DSCAM: variants seen among roughly 807,000 people sequenced by gnomAD.
DSCAM encodes DS cell adhesion molecule, also known as cell adhesion molecule DSCAM.
In DSCAM, 47 loss-of-function variants were observed where a neutral mutation model predicts 217.7. That is an observed-to-expected ratio of 0.22 (90% CI 0.17 to 0.28). The LOEUF is 0.28. Ranked by LOEUF, DSCAM falls within the 10% of genes least tolerant of loss-of-function variation. DSCAM has a pLI of 1.00. For missense variants in DSCAM, 2,080 were observed against 2,618.3 expected (o/e 0.79, Z 4.49); for synonymous variants, 1,056 against 1,015.3 (o/e 1.04, Z -0.76).
intron 11 of DSCAM, among the ~76,000 whole-genome samples, chr21:40,257,178 C>T (rs2073383777): frequency 1.3e-5 from 2 of 152,224 alleles, no homozygotes; most frequent in Admixed American, 1.3e-4. Context: ...ACCCCTCATA[C>T]AGGATACAAA....
intron 3 of DSCAM, among the ~76,000 whole-genome samples, chr21:40,512,540 C>T (rs1601704476): frequency 6.6e-6 from 1 of 152,056 alleles, no homozygotes; most frequent in Non-Finnish European, 1.5e-5. Flanking sequence ...TTCACGTTTG[C>T]GGCATTGTTC....
At chr21:40,731,152 T>C (rs895213704) in intron 1 of DSCAM, among the ~76,000 whole-genome samples, 2 of 152,186 alleles carry the variant, frequency 1.3e-5, no homozygotes, top group Non-Finnish European at 2.9e-5. Context: ...TCTGAAGAAG[T>C]ATTTAGGAAT....
intron 3 of DSCAM, among the ~76,000 whole-genome samples, chr21:40,559,437 GA>G (rs1238772137): frequency 7.3e-6 from 1 of 136,512 alleles, no homozygotes; most frequent in Non-Finnish European, 1.5e-5. Flanking sequence ...TGGCCCGGGC[GA>G]AAAGAGCGAG....
At chr21:40,722,720 T>G (rs1310574292) in intron 1 of DSCAM, among the ~76,000 whole-genome samples, 2 of 152,024 alleles carry the variant, frequency 1.3e-5, no homozygotes, top group Non-Finnish European at 2.9e-5. Flanking sequence ...CTAAACACTC[T>G]TAAAAGTAAA....
At chr21:40,828,155 C>T (rs2091984545) in intron 1 of DSCAM, among the ~76,000 whole-genome samples, 1 of 152,148 alleles carries the variant, frequency 6.6e-6, no homozygotes, top group Non-Finnish European at 1.5e-5. Flanking sequence ...GTATTTGCAG[C>T]ACTTTGGGAG....
At chr21:40,583,362 T>A (rs1209831167) in intron 3 of DSCAM, among the ~76,000 whole-genome samples, 1 of 152,216 alleles carries the variant, frequency 6.6e-6, no homozygotes, top group African/African-American at 2.4e-5. Context: ...CAGAGAGTTG[T>A]ATTTGTGGTA....
At chr21:40,649,032 T>C (rs1601821084) in intron 3 of DSCAM, among the ~76,000 whole-genome samples, 1 of 151,784 alleles carries the variant, frequency 6.6e-6, no homozygotes, top group Non-Finnish European at 1.5e-5. Context: ...GCCATGGAGG[T>C]CTCTTGTTGG....
At chr21:40,108,346 T>C (rs1273070096) in intron 20 of DSCAM, among the ~76,000 whole-genome samples, 1 of 152,182 alleles carries the variant, frequency 6.6e-6, no homozygotes, top group Admixed American at 6.5e-5. Flanking sequence ...CTAGCATTCC[T>C]ATCCTCTAAC....
At chr21:40,163,866 C>T (rs1463136353) in intron 16 of DSCAM, among the ~76,000 whole-genome samples, 1 of 152,194 alleles carries the variant, frequency 6.6e-6, no homozygotes, top group Non-Finnish European at 1.5e-5. Flanking sequence ...CATGTTTGCT[C>T]TCTGGAGATC....
chr21:40,713,180 G>C (rs1018501528), intron 1 of DSCAM, among the ~76,000 whole-genome samples: 1 of 152,164 alleles, frequency 6.6e-6, no homozygotes, highest in East Asian at 1.9e-4. Flanking sequence ...CCACTACTGG[G>C]GTGAGATCTG....
rs2090336248 is a variant in DSCAM, at chr21:40,144,848, G to C, written c.3019-117C>G. The C allele has an allele frequency of 1.4e-6, 2 of 1,435,516 alleles. No individual in the cohort carries two copies. 88.9% of individuals were successfully genotyped at this position (1,435,516 alleles called of 1,614,324 possible). A position where few individuals can be genotyped will look rare whatever the true frequency, so the allele number is the denominator to read the frequency against. On this transcript the variant is annotated intron_variant, in intron 16 of 32. Coordinates refer to ENST00000400454, the MANE Select transcript of DSCAM (RefSeq NM_001389.5). The surrounding 1 kb of genome is among the most constrained non-coding windows in gnomAD (Gnocchi z 4.8). ...AAGTGGAGTCATCGCCACGATGCTG[G>C]GGCGGTGGTCCGGTAGCAGCCGCAA...
At chr21:40,631,669 G>GCACA (rs1429857240) in intron 3 of DSCAM, among the ~76,000 whole-genome samples, 11 of 152,328 alleles carry the variant, frequency 7.2e-5, no homozygotes, top group Non-Finnish European at 1.5e-4. Context: ...TTTAGGTGGT[G>GCACA]TTCCATGTTT....
At chr21:40,836,362 T>C (rs28621866) in intron 1 of DSCAM, among the ~76,000 whole-genome samples, 74,210 of 152,056 alleles carry the variant, frequency 0.49, 18,575 homozygotes, top group Admixed American at 0.59. Context: ...GAAAAAATGG[T>C]GCAAAGAGAT....
chr21:40,364,866 A>G (rs2074814609), intron 4 of DSCAM, among the ~76,000 whole-genome samples: 1 of 149,304 alleles, frequency 6.7e-6, no homozygotes. Context: ...ATTTAGAAAT[A>G]ATTATTTCAG....
intron 16 of DSCAM, among the ~76,000 whole-genome samples, chr21:40,166,111 C>G (rs1397447424): frequency 6.6e-6 from 1 of 152,112 alleles, no homozygotes; most frequent in African/African-American, 2.4e-5. Flanking sequence ...CAATGAAAAT[C>G]CATTTTTGTT....
chr21:40,518,652 A>ATG (rs1438008147), intron 3 of DSCAM, among the ~76,000 whole-genome samples: 2 of 135,698 alleles, frequency 1.5e-5, no homozygotes, highest in East Asian at 2.1e-4. Context: ...ACATGTATAT[A>ATG]TGTGTATATA....
intron 3 of DSCAM, among the ~76,000 whole-genome samples, chr21:40,375,075 T>C (rs915275377): frequency 1.3e-5 from 2 of 152,274 alleles, no homozygotes. Context: ...AGTATCTGAG[T>C]ATAAAAAAAA....
At chr21:40,334,107 T>A (rs974160054) in intron 8 of DSCAM, among the ~76,000 whole-genome samples, 7 of 152,260 alleles carry the variant, frequency 4.6e-5, no homozygotes, top group African/African-American at 1.7e-4. Flanking sequence ...AGCCTGTACA[T>A]ATGAAGTTAA....
chr21:40,704,931 GGATTCTTGCTAAACTGGCCTAACA>G (rs890450358), intron 2 of DSCAM, among the ~76,000 whole-genome samples: 9 of 152,132 alleles, frequency 5.9e-5, no homozygotes, highest in African/African-American at 1.9e-4. Context: ...CAAGGGATGA[GGATTCTTGCTAAACTGGCCTAACA>G]GATTCTTGCT....
Sources: allele counts gnomAD v4.1 joint callset (sites outside exome capture counted in the v4.1 genomes callset), GRCh38; gene constraint gnomAD v4.1.1; non-coding constraint Gnocchi (gnomAD v3.1); transcripts MANE v1.5; gene names NCBI Gene and HGNC (gene_info 2026-07-23, HGNC 2026-07-21).